The following PCDHGA6 variants were observed in gnomAD, a reference collection of about 807,000 sequenced individuals.
The protein encoded by PCDHGA6 is protocadherin gamma subfamily A, 6.
PCDHGA6 carries 41 observed loss-of-function variants against 60.6 expected under a neutral mutation model. That is an observed-to-expected ratio of 0.68 (90% CI 0.53 to 0.88). The LOEUF is 0.88. Ranked by LOEUF, PCDHGA6 falls within the 40% of genes least tolerant of loss-of-function variation. The probability of loss-of-function intolerance (pLI) is 0.00; values close to 1 mark genes in which losing one functional copy is unlikely to be tolerated. For missense variants in PCDHGA6, 1,312 were observed against 1,203.0 expected, an observed-to-expected ratio of 1.09 and a Z score of -1.34; for synonymous variants, 594 against 524.4, an observed-to-expected ratio of 1.13 and a Z score of -1.81.
At chr5:141,418,478 G>T (rs777772131) in intron 1 of PCDHGA6, 1 of 1,613,858 alleles carries the variant, frequency 6.2e-7, no homozygotes, top group Non-Finnish European at 8.5e-7. Flanking sequence ...AACGCAGAGC[G>T]CTCACCACTT....
chr5:141,450,479 G>GTTTT (rs1165567597), intron 1 of PCDHGA6, among the ~76,000 whole-genome samples: 124 of 152,020 alleles, frequency 8.2e-4, no homozygotes, highest in African/African-American at 2.9e-3. Flanking sequence ...GAGTTTGTTT[G>GTTTT]TTTGTTTGTC....
chr5:141,389,078 C>T, intron 1 of PCDHGA6: 1 of 1,614,002 alleles, frequency 6.2e-7, no homozygotes, highest in Non-Finnish European at 8.5e-7. Flanking sequence ...CTTCAAGAAA[C>T]ACGTATAAAT....
chr5:141,419,350 G>A, intron 1 of PCDHGA6: 1 of 1,613,848 alleles, frequency 6.2e-7, no homozygotes, highest in Non-Finnish European at 8.5e-7. Context: ...GCGACCTGGA[G>A]TCACGAACGC....
At chr5:141,421,913 T>C in intron 1 of PCDHGA6, 1 of 1,613,710 alleles carries the variant, frequency 6.2e-7, no homozygotes, top group Non-Finnish European at 8.5e-7. Context: ...GCAGTTCCCA[T>C]TCGTGTGGTG....
chr5:141,394,202 G>A (rs1285720796), intron 1 of PCDHGA6: 2 of 1,613,832 alleles, frequency 1.2e-6, no homozygotes, highest in Non-Finnish European at 1.7e-6. Context: ...ATATCCTAGA[G>A]AACAACCTGA....
chr5:141,392,750 G>A lies in PCDHGA6; in HGVS notation c.2424+16243G>A, dbSNP rs561923783. On this transcript the variant is annotated intron_variant, in intron 1 of 3. Coordinates refer to ENST00000517434, the MANE Select transcript of PCDHGA6 (RefSeq NM_018919.3). ...ATTGTCATCTCCATAGCTGCGGCAAGAAACTAAATAAGACCCATTTATGCA... is the reference window on the plus strand; with the variant it reads ...ATTGTCATCTCCATAGCTGCGGCAAAAAACTAAATAAGACCCATTTATGCA... 25 of 1,451,824 alleles carry A rather than the reference G, an allele frequency of 1.7e-5. No homozygotes were observed. In the Admixed American group the frequency reaches 4.2e-4, roughly 24 times the overall value. The allele number at this position is 1,451,824 out of a possible 1,614,324, so 89.9% of individuals were successfully genotyped here.
intron 1 of PCDHGA6, chr5:141,394,889 T>C: frequency 6.2e-7 from 1 of 1,613,858 alleles, no homozygotes; most frequent in Non-Finnish European, 8.5e-7. Context: ...TTACACTCTA[T>C]CTCGTGGTGG....
chr5:141,477,568 C>G lies in PCDHGA6; in HGVS notation c.2425-17239C>G. 1 of 1,614,172 alleles carries G rather than the reference C, an allele frequency of 6.2e-7. No individual in the cohort carries two copies. Among genetic ancestry groups the G allele is most frequent in the Non-Finnish European group, 8.5e-7 (1 of 1,180,044 alleles). On this transcript the variant is annotated intron_variant, in intron 1 of 3. Coordinates refer to ENST00000517434, the MANE Select transcript of PCDHGA6 (RefSeq NM_018919.3). The surrounding 1 kb of genome is among the most constrained non-coding windows in gnomAD (Gnocchi z 4.9). ...TACTAAACCTAAGTGTCTGGGACCC[C>G]GACGCCCCGCAGAATGCTCGGCTTT...
At chr5:141,453,517 C>T (rs1001603927) in intron 1 of PCDHGA6, among the ~76,000 whole-genome samples, 1 of 152,062 alleles carries the variant, frequency 6.6e-6, no homozygotes, top group African/African-American at 2.4e-5. Context: ...TCATTCCTCC[C>T]CTATACCTTC....
At chr5:141,397,668 C>T (rs1455080741) in intron 1 of PCDHGA6, among the ~76,000 whole-genome samples, 3 of 152,224 alleles carry the variant, frequency 2.0e-5, no homozygotes, top group African/African-American at 7.2e-5. Flanking sequence ...AAAGAATGGA[C>T]CAATGTATGC....
chr5:141,499,174 C>T (rs930279867), intron 2 of PCDHGA6, among the ~76,000 whole-genome samples: 20 of 152,198 alleles, frequency 1.3e-4, no homozygotes, highest in Middle Eastern at 3.4e-3. Flanking sequence ...AGCTCTGAGC[C>T]CAGCAAACCA....
chr5:141,476,476 C>A lies in PCDHGA6; in HGVS notation c.2425-18331C>A. On this transcript the variant is annotated intron_variant, in intron 1 of 3. Coordinates refer to ENST00000517434, the MANE Select transcript of PCDHGA6 (RefSeq NM_018919.3). The surrounding 1 kb of genome is among the most constrained non-coding windows in gnomAD (Gnocchi z 7.6). ...TGGAGAACCCGCTGGAGCTGTTCAG[C>A]GTGGAAGTGGTGATCCAGGACATCA... 6.2e-7 allele frequency: 1 copy of A among 1,613,986 alleles called. No individual in the cohort carries two copies. The highest frequency in any genetic ancestry group is 8.5e-7 in the Non-Finnish European group (1 of 1,179,992).
chr5:141,399,649 G>A (rs1325160100), intron 1 of PCDHGA6: 2 of 1,613,794 alleles, frequency 1.2e-6, no homozygotes, highest in East Asian at 2.2e-5. Flanking sequence ...CGCGCAAAGT[G>A]GGGTGGTGTT....
chr5:141,392,976 G>T (rs892304367), intron 1 of PCDHGA6: 1 of 1,613,866 alleles, frequency 6.2e-7, no homozygotes, highest in South Asian at 1.1e-5. Flanking sequence ...CCTGGGGCTG[G>T]ACCCCCGGAA....
intron 1 of PCDHGA6, among the ~76,000 whole-genome samples, chr5:141,494,100 G>T (rs559145191): frequency 6.6e-6 from 1 of 152,152 alleles, no homozygotes; most frequent in Non-Finnish European, 1.5e-5. Flanking sequence ...ATTTTTCTCC[G>T]TCTCAGACAG....
intron 1 of PCDHGA6, among the ~76,000 whole-genome samples, chr5:141,463,316 T>A (rs1290852110): frequency 1.3e-5 from 2 of 151,806 alleles, no homozygotes; most frequent in African/African-American, 2.4e-5. Flanking sequence ...TAATATCTAT[T>A]CCTCAACTCA....
intron 1 of PCDHGA6, among the ~76,000 whole-genome samples, chr5:141,448,796 T>G (rs1268643310): frequency 1.0e-4 from 15 of 150,106 alleles, no homozygotes; most frequent in Admixed American, 4.0e-4. Context: ...AAAAAAAAAA[T>G]TAGCCAGGCG....
intron 1 of PCDHGA6, among the ~76,000 whole-genome samples, chr5:141,455,125 A>G (rs952979433): frequency 3.5e-4 from 53 of 151,762 alleles, no homozygotes; most frequent in Non-Finnish European, 1.0e-4. Flanking sequence ...CTAATGTTTT[A>G]AATTACACTG....
intron 1 of PCDHGA6, among the ~76,000 whole-genome samples, chr5:141,401,296 C>G (rs2094138441): frequency 6.6e-6 from 1 of 152,104 alleles, no homozygotes; most frequent in African/African-American, 2.4e-5. Flanking sequence ...GAGCCGAGAT[C>G]ACTCCATTGC....
Sources: allele counts gnomAD v4.1 joint callset (sites outside exome capture counted in the v4.1 genomes callset), GRCh38; gene constraint gnomAD v4.1.1; non-coding constraint Gnocchi (gnomAD v3.1); transcripts MANE v1.5; gene names NCBI Gene and HGNC (gene_info 2026-07-23, HGNC 2026-07-21).